The following C19orf38 variants were observed in gnomAD, a reference collection of about 807,000 sequenced individuals.
C19orf38 encodes the protein protein HIDE1.
Under a neutral mutation model 26.6 loss-of-function variants are expected in C19orf38, and 14 were observed. The ratio of observed to expected loss-of-function variants is 0.53; its 90% confidence interval spans 0.35 to 0.82. The LOEUF (loss-of-function observed/expected upper bound fraction) is 0.82. C19orf38 is among the 40% of genes least tolerant of loss of function. C19orf38 has a pLI of 0.01. For synonymous variants in C19orf38, 132 were observed against 128.5 expected, an observed-to-expected ratio of 1.03 and a Z score of -0.18; for missense variants, 261 against 299.5, an observed-to-expected ratio of 0.87 and a Z score of 0.95.
intron 1 of C19orf38, among the ~76,000 whole-genome samples, chr19:10,840,740 A>G (rs2073472413): frequency 1.3e-5 from 2 of 151,564 alleles, no homozygotes; most frequent in African/African-American, 4.9e-5. Flanking sequence ...GATGGTCTCA[A>G]TCTCTTGACC....
At chr19:10,849,078 T>A (rs1453940834) in intron 1 of C19orf38, among the ~76,000 whole-genome samples, 2 of 152,016 alleles carry the variant, frequency 1.3e-5, no homozygotes, top group Admixed American at 1.3e-4. Context: ...CCTCTGCCCT[T>A]CCTTCTCCTG....
At chr19:10,858,245 A>T in intron 3 of C19orf38, 71 bp from the exon 4 acceptor site, 1 of 1,249,324 alleles carries the variant, frequency 8.0e-7, no homozygotes, top group Non-Finnish European at 1.1e-6. Flanking sequence ...AAAAAAAAAA[A>T]AAAAAAACAG....
intron 1 of C19orf38, among the ~76,000 whole-genome samples, chr19:10,840,533 G>GTTTT (rs2073471301): frequency 6.6e-6 from 1 of 151,950 alleles, no homozygotes; most frequent in South Asian, 2.1e-4. Flanking sequence ...GTTTTGTTTT[G>GTTTT]TTTTGAGACG....
At chr19:10,847,229 C>G (rs1225102707), upstream of C19orf38, among the ~76,000 whole-genome samples, 1 of 152,178 alleles carries the variant, frequency 6.6e-6, no homozygotes, top group Non-Finnish European at 1.5e-5. Flanking sequence ...CAGAATTGAT[C>G]TGGAACTGGT....
intron 3 of C19orf38, among the ~76,000 whole-genome samples, chr19:10,857,355 TATATATATA>T (rs1303646338): frequency 1.4e-4 from 12 of 82,872 alleles, no homozygotes; most frequent in African/African-American, 1.1e-3. Flanking sequence ...TATATATATA[TATATATATA>T]TATTTTTTTT....
chr19:10,869,601 C>A lies in C19orf38; in HGVS notation c.*234C>A. On this transcript the variant is annotated 3_prime_UTR_variant, in exon 7 of 7. Transcript: ENST00000397820. ...CCTCTCGACCTTCGGCTCCTCAGGA[C>A]CACCAGAGAAGGAGATGTCAGGACC... 1 of 551,708 alleles carries A rather than the reference C, an allele frequency of 1.8e-6. No individual in the cohort carries two copies. The highest frequency in any genetic ancestry group is 3.0e-6 in the Non-Finnish European group (1 of 329,666). 34.2% of individuals were successfully genotyped at this position (551,708 alleles called of 1,614,324 possible). A position where few individuals can be genotyped will look rare whatever the true frequency, so the allele number is the denominator to read the frequency against.
At chr19:10,856,809 ATTT>A (rs912699269) in intron 3 of C19orf38, among the ~76,000 whole-genome samples, 20 of 147,694 alleles carry the variant, frequency 1.4e-4, no homozygotes, top group African/African-American at 5.0e-4. Flanking sequence ...CGGCCTAAAA[ATTT>A]TTTATTTGGA....
At chr19:10,838,483 G>A (rs1175143213) in intron 1 of C19orf38, among the ~76,000 whole-genome samples, 3 of 152,162 alleles carry the variant, frequency 2.0e-5, no homozygotes, top group Non-Finnish European at 4.4e-5. Context: ...GTTGTGCAGT[G>A]ACTTCTATGT....
intron 2 of C19orf38, 91 bp from the exon 3 acceptor site, chr19:10,856,170 TTTGG>T (rs2073623090): frequency 3.2e-6 from 3 of 951,574 alleles, no homozygotes; most frequent in Non-Finnish European, 4.8e-6. Flanking sequence ...ATTCATGTTC[TTTGG>T]TTGGGGGTTA....
At chr19:10,857,327 C>T (rs2073635743) in intron 3 of C19orf38, among the ~76,000 whole-genome samples, 1 of 110,984 alleles carries the variant, frequency 9.0e-6, no homozygotes, top group Non-Finnish European at 1.7e-5. Flanking sequence ...TACATACACA[C>T]ACACACACAT....
At chr19:10,841,093 A>G (rs1166048968) in intron 1 of C19orf38, among the ~76,000 whole-genome samples, 1 of 151,772 alleles carries the variant, frequency 6.6e-6, no homozygotes, top group East Asian at 1.9e-4. Flanking sequence ...TCTTTTGCCC[A>G]TTTAAAAATT....
chr19:10,856,726 A>G (rs2146261813), intron 3 of C19orf38, among the ~76,000 whole-genome samples: 1 of 151,612 alleles, frequency 6.6e-6, no homozygotes, highest in Middle Eastern at 3.4e-3. Context: ...CTGGTCTGGA[A>G]CTCCTGACCT....
At chr19:10,843,799 C>T (rs1023407513), upstream of C19orf38, among the ~76,000 whole-genome samples, 8 of 152,090 alleles carry the variant, frequency 5.3e-5, no homozygotes, top group Admixed American at 5.2e-4. Flanking sequence ...TCCTTGTGCT[C>T]CGAGAGGAGG....
intron 6 of C19orf38, 73 bp downstream of exon 6, chr19:10,863,280 G>C (rs565204000): frequency 6.8e-7 from 1 of 1,471,194 alleles, no homozygotes; most frequent in Non-Finnish European, 9.3e-7. Flanking sequence ...GGCTCAAGGG[G>C]CACCACGAGG....
chr19:10,856,174 G>T, intron 2 of C19orf38, 91 bp from the exon 3 acceptor site: 1 of 995,954 alleles, frequency 1.0e-6, no homozygotes, highest in Non-Finnish European at 1.5e-6. Flanking sequence ...ATGTTCTTTG[G>T]TTGGGGGTTA....
At chr19:10,862,404 T>C (rs2073707678) in intron 5 of C19orf38, among the ~76,000 whole-genome samples, 1 of 151,962 alleles carries the variant, frequency 6.6e-6, no homozygotes. Context: ...GACAAAAAAT[T>C]ATGTTGCCCA....
At chr19:10,858,929 T>C (rs903310698) in intron 4 of C19orf38, among the ~76,000 whole-genome samples, 4 of 142,630 alleles carry the variant, frequency 2.8e-5, no homozygotes, top group African/African-American at 1.0e-4. Context: ...CAGGAGAATA[T>C]ATATATGTTT....
chr19:10,848,673 A>G (rs1473996551), intron 1 of C19orf38, 134 bp downstream of exon 1: 3 of 772,820 alleles, frequency 3.9e-6, no homozygotes, highest in Non-Finnish European at 6.4e-6. Flanking sequence ...CCCTTGGCAG[A>G]TGGGTTTTCC....
In C19orf38 at chr19:10,869,249, T is replaced by C; in HGVS notation, c.575T>C (p.Leu192Ser). The change falls in exon 7 of 7, where the codon TTG becomes TCG. Residue 192 changes from leucine to serine, a missense_variant. Leu to Ser is a moderately radical substitution (Grantham distance 145, BLOSUM62 -2). Transcript: ENST00000397820. ...KTMPEEDPAT[L>S]DDHSGTTATP... Reference sequence around the variant, plus strand: ...ATGCCAGAAGAAGACCCGGCCACCTTGGATGATCACTCAGGCACCACTGCC... The same window carrying C: ...ATGCCAGAAGAAGACCCGGCCACCTCGGATGATCACTCAGGCACCACTGCC... The C allele has an allele frequency of 6.4e-7, 1 of 1,551,646 alleles. No individual in the cohort carries two copies.
Sources: allele counts gnomAD v4.1 joint callset (sites outside exome capture counted in the v4.1 genomes callset), GRCh38; gene constraint gnomAD v4.1.1; transcripts MANE v1.5; gene names NCBI Gene and HGNC (gene_info 2026-07-23, HGNC 2026-07-21).